PLEKHG5: variants seen among roughly 807,000 people sequenced by gnomAD.
PLEKHG5 encodes pleckstrin homology and RhoGEF domain containing G5.
A neutral mutation model predicts 103.8 loss-of-function variants in PLEKHG5; 52 were observed. The ratio of observed to expected loss-of-function variants is 0.50; its 90% CI spans 0.40 to 0.63. The LOEUF is 0.63. Ranked by LOEUF, PLEKHG5 falls within the 30% of genes least tolerant of loss-of-function variation. PLEKHG5 has a pLI of 0.00. For missense variants in PLEKHG5, 1,205 were observed against 1,347.6 expected, an observed-to-expected ratio of 0.89 and a Z score of 1.66; for synonymous variants, 592 against 575.5, an observed-to-expected ratio of 1.03 and a Z score of -0.41.
chr1:6,474,641 G>T, intron 5 of PLEKHG5, 54 bp from the exon 6 acceptor site: 1 of 1,593,004 alleles, frequency 6.3e-7, no homozygotes, highest in Non-Finnish European at 8.6e-7. Context: ...AGTCGCTTCA[G>T]CTTGGGCCCC....
At chr1:6,497,447 G>A, upstream of PLEKHG5, 1 of 489,480 alleles carries the variant, frequency 2.0e-6, no homozygotes, top group Non-Finnish European at 2.7e-6. This position sits in a 1 kb window ranked among gnomAD's most constrained non-coding sequence, Gnocchi z 6.1. Context: ...GGGCAGGTGG[G>A]CGGGGAGGAG....
chr1:6,497,359 G>A (rs1157770165), upstream of PLEKHG5: 8 of 1,093,124 alleles, frequency 7.3e-6, no homozygotes, highest in African/African-American at 6.6e-5. This position sits in a 1 kb window ranked among gnomAD's most constrained non-coding sequence, Gnocchi z 6.1. Context: ...GGCGGGCGGC[G>A]GGCGGGGGCG....
intron 1 of PLEKHG5, among the ~76,000 whole-genome samples, chr1:6,480,257 G>A (rs992262881): frequency 1.7e-4 from 26 of 151,978 alleles, no homozygotes; most frequent in African/African-American, 5.1e-4. Context: ...TGCCAGGCAC[G>A]GTGGCTCATG....
intron 1 of PLEKHG5, among the ~76,000 whole-genome samples, chr1:6,514,453 CA>C (rs764736187): frequency 9.5e-4 from 116 of 122,258 alleles, no homozygotes; most frequent in East Asian, 7.5e-3. Flanking sequence ...GACCCTGCCT[CA>C]AAAAAAAAAA....
rs377503203 is a variant in PLEKHG5, at chr1:6,476,007, G to C, written c.73C>G (p.Arg25Gly). 6.2e-7 allele frequency: 1 copy of C among 1,613,472 alleles called. No homozygotes were observed. The highest frequency in any genetic ancestry group is 8.5e-7 in the Non-Finnish European group (1 of 1,180,006). ...GGGCTGGTGCGCGGCGGGCATGACCGGGTGGACACGTTCCGGGCCAGCACA... is the reference window on the plus strand; with the variant it reads ...GGGCTGGTGCGCGGCGGGCATGACCCGGTGGACACGTTCCGGGCCAGCACA... ...GSVLARNVST[R>G]SCPPRTSPAV... The change falls in exon 3 of 21, where the codon CGG (arginine) becomes GGG (glycine). Residue 25 changes from arginine (R) to glycine (G), a missense_variant. By Grantham distance (125) the Arg-to-Gly change is moderately radical. Coordinates refer to ENST00000377728, the MANE Select transcript of PLEKHG5 (RefSeq NM_020631.6).
chr1:6,507,399 C>T (rs1189176350), intron 1 of PLEKHG5, among the ~76,000 whole-genome samples: 1 of 152,212 alleles, frequency 6.6e-6, no homozygotes, highest in Non-Finnish European at 1.5e-5. Flanking sequence ...GGCAGCCCTT[C>T]AGAAATCCAG....
upstream of PLEKHG5, chr1:6,496,396 C>T (rs1645224588): frequency 1.0e-6 from 1 of 973,910 alleles, no homozygotes; most frequent in South Asian, 1.4e-5. Context: ...CGCGCCCGTG[C>T]CAGGGCTCTG....
At chr1:6,467,746 A>T in intron 20 of PLEKHG5, 79 bp downstream of exon 20, 1 of 1,554,290 alleles carries the variant, frequency 6.4e-7, no homozygotes, top group Non-Finnish European at 8.9e-7. Context: ...CCCTCCCCAA[A>T]TGCGATGCTC....
At chr1:6,482,943 A>T (rs566150068) in intron 1 of PLEKHG5, among the ~76,000 whole-genome samples, 9 of 152,190 alleles carry the variant, frequency 5.9e-5, no homozygotes, top group Non-Finnish European at 1.2e-4. Context: ...ACCTGCCCTC[A>T]GGTGATCCAC....
intron 5 of PLEKHG5, 190 bp from the exon 6 acceptor site, chr1:6,474,777 G>T (rs947842262): frequency 3.0e-6 from 2 of 677,286 alleles, no homozygotes; most frequent in African/African-American, 3.5e-5. Flanking sequence ...TCACACAGGC[G>T]CATCTGCATA....
chr1:6,519,345 G>A (rs1037096478), intron 1 of PLEKHG5: 1 of 909,420 alleles, frequency 1.1e-6, no homozygotes, highest in Admixed American at 1.7e-5. Context: ...AATTCAGTGA[G>A]TGTGAGTCCT....
upstream of PLEKHG5, among the ~76,000 whole-genome samples, chr1:6,498,844 G>A (rs1440728648): frequency 6.6e-6 from 1 of 152,230 alleles, no homozygotes; most frequent in Non-Finnish European, 1.5e-5. Context: ...TGCCTGTCCT[G>A]CCTCTAGGCT....
chr1:6,502,900 C>T (rs1042208334), intron 1 of PLEKHG5, among the ~76,000 whole-genome samples: 11 of 152,198 alleles, frequency 7.2e-5, no homozygotes, highest in African/African-American at 2.2e-4. Context: ...CTGTGTGCAG[C>T]CCCCCGGCGC....
Position 6,490,715 on chromosome 1 carries a change from G to A in PLEKHG5, c.-88+922C>T, listed in dbSNP as rs1645136955. On this transcript the variant is annotated intron_variant, in intron 1 of 20. Transcript: ENST00000377728. This position sits in a 1 kb window ranked among gnomAD's most constrained non-coding sequence, Gnocchi z 8.0. Reference sequence around the variant, plus strand: ...CAGGAAGGGCCCCGCGCCGGAGCCAGGGAGGTGGCTGGAGGCCGGGCGGTG... The same window carrying A: ...CAGGAAGGGCCCCGCGCCGGAGCCAAGGAGGTGGCTGGAGGCCGGGCGGTG... The A allele has an allele frequency of 7.0e-6, 4 of 572,918 alleles. No individual in the cohort carries two copies. The highest frequency in any genetic ancestry group is 8.8e-6 in the Non-Finnish European group (4 of 453,466). The allele number at this position is 572,918 out of a possible 1,614,324, so 35.5% of individuals were successfully genotyped here. A position where few individuals can be genotyped will look rare whatever the true frequency, so the allele number is the denominator to read the frequency against.
At chr1:6,485,822 C>T (rs1378398942) in intron 1 of PLEKHG5, 5 of 949,614 alleles carry the variant, frequency 5.3e-6, no homozygotes, top group East Asian at 1.1e-4. Context: ...CTGCCTGGCC[C>T]GGGGTACCCC....
At chr1:6,507,625 C>T (rs866237697) in intron 1 of PLEKHG5, among the ~76,000 whole-genome samples, 9 of 151,556 alleles carry the variant, frequency 5.9e-5, no homozygotes, top group African/African-American at 9.7e-5. Flanking sequence ...TTCCGGGGGG[C>T]GGGGGGATGG....
At chr1:6,481,819 G>C (rs1200923583) in intron 1 of PLEKHG5, among the ~76,000 whole-genome samples, 4 of 150,866 alleles carry the variant, frequency 2.7e-5, no homozygotes, top group Non-Finnish European at 5.9e-5. Context: ...AGCTGAGATT[G>C]CGCCACTGCA....
chr1:6,504,736 A>C (rs1357523850), intron 1 of PLEKHG5, among the ~76,000 whole-genome samples: 1 of 151,632 alleles, frequency 6.6e-6, no homozygotes, highest in Non-Finnish European at 1.5e-5. Context: ...CGCCCAGCTA[A>C]TTTTTTGTGT....
rs1317600423 is a variant in PLEKHG5 at position 6,471,103 on chromosome 1, G to A, written c.1282-3C>T. 6.4e-7 allele frequency: 1 copy of A among 1,573,810 alleles called. No homozygotes were observed. Among genetic ancestry groups the A allele is most frequent in the African/African-American group, 1.4e-5 (1 of 73,730 alleles). On this transcript the variant is annotated splice_region_variant and splice_polypyrimidine_tract_variant and intron_variant, in intron 12 of 20. Transcript: ENST00000377728. ...TAGGGCTTGAAGAGCGAGCCGAACTGGCCCGGGGCAGAACAACCACGGCGC... is the reference window on the plus strand; with the variant it reads ...TAGGGCTTGAAGAGCGAGCCGAACTAGCCCGGGGCAGAACAACCACGGCGC...
Sources: gnomAD v4.1 joint callset for allele counts (sites outside exome capture counted in the v4.1 genomes callset) on GRCh38, gnomAD v4.1.1 for gene constraint, Gnocchi (gnomAD v3.1) non-coding constraint, MANE v1.5 for transcripts, NCBI Gene and HGNC (gene_info 2026-07-23, HGNC 2026-07-21) for gene names.